The following ANKFN1 variants were observed in gnomAD, a reference collection of about 807,000 sequenced individuals.
ANKFN1 encodes ankyrin repeat and fibronectin type-III domain-containing protein 1.
ANKFN1 carries 74 observed loss-of-function variants against 108.7 expected under a neutral mutation model. The ratio of observed to expected loss-of-function variants is 0.68; its 90% confidence interval spans 0.56 to 0.83. The LOEUF is 0.83. Among genes scored for constraint, ANKFN1 ranks in the 40% least tolerant of loss-of-function variants. The probability of loss-of-function intolerance (pLI) is 0.00; values close to 1 mark genes in which losing one functional copy is unlikely to be tolerated. For missense variants in ANKFN1, 1,505 were observed against 1,382.3 expected, an observed-to-expected ratio of 1.09 and a Z score of -1.41; for synonymous variants, 547 against 516.2, an observed-to-expected ratio of 1.06 and a Z score of -0.81.
At chr17:56,399,636 T>A (rs2047690128) in intron 8 of ANKFN1, among the ~76,000 whole-genome samples, 1 of 151,798 alleles carries the variant, frequency 6.6e-6, no homozygotes, top group East Asian at 1.9e-4. Context: ...CCTCTCCCAC[T>A]CTTCTCCCCA....
chr17:56,471,761 G>C (rs533800712), intron 15 of ANKFN1: 2 of 152,338 alleles, frequency 1.3e-5, no homozygotes, highest in South Asian at 4.1e-4. Flanking sequence ...CCTTGAAAAT[G>C]TAATGCTGAG....
At chr17:56,217,648 A>G (rs1005062255) in intron 2 of ANKFN1, among the ~76,000 whole-genome samples, 1 of 152,188 alleles carries the variant, frequency 6.6e-6, no homozygotes, top group Non-Finnish European at 1.5e-5. Flanking sequence ...CCAAATGTCC[A>G]TAGTACTAAG....
intron 4 of ANKFN1, among the ~76,000 whole-genome samples, chr17:56,330,544 G>A (rs1051637400): frequency 4.6e-5 from 7 of 152,144 alleles, no homozygotes; most frequent in Non-Finnish European, 2.9e-5. Context: ...TCATAGCTAT[G>A]CATTTGCATA....
intron 8 of ANKFN1, among the ~76,000 whole-genome samples, chr17:56,413,067 C>T (rs1302564100): frequency 6.6e-6 from 1 of 152,114 alleles, no homozygotes; most frequent in African/African-American, 2.4e-5. Flanking sequence ...TAAGTTTGAG[C>T]TTATTTCAAG....
chr17:56,325,655 C>A (rs891149716), intron 3 of ANKFN1, among the ~76,000 whole-genome samples: 3 of 152,126 alleles, frequency 2.0e-5, no homozygotes, highest in Non-Finnish European at 4.4e-5. Context: ...TCTTAAGATG[C>A]CCCCTAGCTC....
At chr17:56,128,186 T>G (rs2143330597) in intron 4 of ANKFN1, among the ~76,000 whole-genome samples, 1 of 151,588 alleles carries the variant, frequency 6.6e-6, no homozygotes, top group Non-Finnish European at 1.5e-5. Flanking sequence ...AGAAAGACTG[T>G]AGAGCCTAAG....
chr17:56,308,645 T>G (rs1278239093), intron 3 of ANKFN1, among the ~76,000 whole-genome samples: 1 of 152,202 alleles, frequency 6.6e-6, no homozygotes, highest in Admixed American at 6.5e-5. Flanking sequence ...GACTTATTCT[T>G]GATCTTAGGG....
chr17:56,161,136 A>G (rs1206402244), intron 1 of ANKFN1, among the ~76,000 whole-genome samples: 3 of 152,240 alleles, frequency 2.0e-5, no homozygotes, highest in Non-Finnish European at 2.9e-5. Flanking sequence ...CCTCTGTAAA[A>G]TAAAGATTGT....
At chr17:56,253,891 A>G (rs1460014327) in intron 3 of ANKFN1, among the ~76,000 whole-genome samples, 2 of 152,134 alleles carry the variant, frequency 1.3e-5, no homozygotes, top group African/African-American at 4.8e-5. Flanking sequence ...GAGTGTGCCC[A>G]GACATTGTAT....
chr17:56,075,506 T>C (rs7219983), intron 4 of ANKFN1, among the ~76,000 whole-genome samples: 8,489 of 151,978 alleles, frequency 0.056, 823 homozygotes, highest in African/African-American at 0.19. Context: ...CCAAGCAGAG[T>C]TCTTCCAAAT....
chr17:56,345,016 G>A (rs1457885228), intron 4 of ANKFN1, among the ~76,000 whole-genome samples: 1 of 151,952 alleles, frequency 6.6e-6, no homozygotes, highest in Non-Finnish European at 1.5e-5. Context: ...CATGTATTAG[G>A]TATTTGTCCT....
chr17:56,290,934 A>G (rs1265589350), intron 3 of ANKFN1, among the ~76,000 whole-genome samples: 2 of 152,194 alleles, frequency 1.3e-5, no homozygotes, highest in South Asian at 2.1e-4. Flanking sequence ...CCTCCAAGCC[A>G]TGAGGGACTG....
intron 4 of ANKFN1, among the ~76,000 whole-genome samples, chr17:56,095,411 C>T (rs568572427): frequency 6.6e-6 from 1 of 150,978 alleles, no homozygotes; most frequent in South Asian, 2.1e-4. Flanking sequence ...CCTACCTCAG[C>T]CTCTCAAGTA....
chr17:56,235,101 C>T (rs986714781), intron 3 of ANKFN1, among the ~76,000 whole-genome samples: 6 of 152,006 alleles, frequency 3.9e-5, no homozygotes, highest in Admixed American at 6.6e-5. Context: ...CTCTAATGTT[C>T]GGTGATATTT....
intron 18 of ANKFN1, among the ~76,000 whole-genome samples, chr17:56,487,036 C>A (rs956333721): frequency 6.6e-6 from 1 of 152,174 alleles, no homozygotes; most frequent in African/African-American, 2.4e-5. Context: ...GAGCTTAGTT[C>A]TCTGTCTCCT....
chr17:56,241,308 A>G (rs918505622), intron 3 of ANKFN1, among the ~76,000 whole-genome samples: 4 of 152,142 alleles, frequency 2.6e-5, no homozygotes, highest in African/African-American at 9.7e-5. Context: ...ACAACAAAAA[A>G]AAGAAAGTTA....
intron 4 of ANKFN1, among the ~76,000 whole-genome samples, chr17:56,345,306 G>T (rs2046068104): frequency 6.6e-6 from 1 of 152,050 alleles, no homozygotes. Context: ...TGGGCATTTG[G>T]GTTGGTTCCA....
chr17:56,473,832 G>A (rs2050408301), intron 15 of ANKFN1, among the ~76,000 whole-genome samples: 1 of 151,992 alleles, frequency 6.6e-6, no homozygotes, highest in Admixed American at 6.5e-5. Flanking sequence ...AAAATTGAAT[G>A]AAAGAGTGAG....
Position 56,480,822 on chromosome 17 carries a change from C to T in ANKFN1, c.2091+4C>T. ...GATCAATATACCTCTACACCAGGTACTAGACTTTACCATTTTTATCTTCTT... is the reference window on the plus strand; with the variant it reads ...GATCAATATACCTCTACACCAGGTATTAGACTTTACCATTTTTATCTTCTT... On this transcript the variant is annotated splice_donor_region_variant and intron_variant, in intron 17 of 20. Coordinates refer to ENST00000682825, the MANE Select transcript of ANKFN1 (RefSeq NM_001370326.1). 1 of 1,611,708 alleles carries T rather than the reference C, an allele frequency of 6.2e-7. No homozygotes were observed. Among genetic ancestry groups the T allele is most frequent in the Non-Finnish European group, 8.5e-7 (1 of 1,179,182 alleles).
Sources: gnomAD v4.1 joint callset for allele counts (sites outside exome capture counted in the v4.1 genomes callset) on GRCh38, gnomAD v4.1.1 for gene constraint, MANE v1.5 for transcripts, NCBI Gene and HGNC (gene_info 2026-07-23, HGNC 2026-07-21) for gene names.